MAGI1: variants seen among roughly 807,000 people sequenced by gnomAD.
The protein encoded by MAGI1 is membrane associated guanylate kinase, WW and PDZ domain containing 1.
In MAGI1, 58 loss-of-function variants were observed where a neutral mutation model predicts 139.9. The observed-to-expected ratio is 0.41, with a 90% CI of 0.34 to 0.52. The LOEUF is 0.52. Ranked by LOEUF, MAGI1 falls within the 20% of genes least tolerant of loss-of-function variation. The pLI is 0.12. For missense variants in MAGI1, 1,874 were observed against 1,901.6 expected (o/e 0.99, Z 0.27); for synonymous variants, 812 against 737.9 (o/e 1.10, Z -1.63).
chr3:65,847,379 G>C (rs2059041989), intron 1 of MAGI1, among the ~76,000 whole-genome samples: 1 of 151,706 alleles, frequency 6.6e-6, no homozygotes, highest in Admixed American at 6.6e-5. Flanking sequence ...ACCACCTGGT[G>C]GTTTTTTTTC....
intron 1 of MAGI1, among the ~76,000 whole-genome samples, chr3:65,923,822 T>C (rs558511335): frequency 6.6e-6 from 1 of 152,206 alleles, no homozygotes; most frequent in South Asian, 2.1e-4. Flanking sequence ...GCTCTCTCCA[T>C]ATGCAAAAAA....
At chr3:65,780,822 G>A (rs2038869634) in intron 1 of MAGI1, among the ~76,000 whole-genome samples, 1 of 152,192 alleles carries the variant, frequency 6.6e-6, no homozygotes, top group South Asian at 2.1e-4. Flanking sequence ...CCCACATGGG[G>A]CAGAAGAAGG....
intron 2 of MAGI1, among the ~76,000 whole-genome samples, chr3:65,603,060 G>C (rs1314887843): frequency 1.3e-5 from 2 of 151,980 alleles, no homozygotes; most frequent in African/African-American, 2.4e-5. Context: ...AATGTGAATA[G>C]AGCAATGACT....
At position 65,686,190 on chromosome 3, in the gene MAGI1, G is replaced by T. The variant is rs530473674; in HGVS notation, c.314-64102C>A. On this transcript the variant is annotated intron_variant, in intron 1 of 22. Transcript: ENST00000402939. ...AGAAGCAGTCATATCACACCTATGA[G>T]TCATCTTATGGCCTGTTCCCATTCA... 2.3e-3 allele frequency among the ~76,000 whole-genome samples: 351 copies of T among 152,272 alleles called. 1 individual carries two copies. The highest frequency in any genetic ancestry group is 4.2e-3 in the Non-Finnish European group (286 of 68,012).
intron 1 of MAGI1, among the ~76,000 whole-genome samples, chr3:65,763,159 C>T (rs1033296059): frequency 2.0e-5 from 3 of 152,110 alleles, no homozygotes; most frequent in Non-Finnish European, 4.4e-5. Flanking sequence ...AAGTCACATT[C>T]GTATCATCAA....
intron 2 of MAGI1, among the ~76,000 whole-genome samples, chr3:65,511,834 C>G (rs2077614262): frequency 8.0e-6 from 1 of 124,986 alleles, no homozygotes; most frequent in Admixed American, 8.6e-5. Context: ...CTCTCCACCC[C>G]AAATCAACAG....
At chr3:65,414,382 G>A (rs551970443) in intron 12 of MAGI1, among the ~76,000 whole-genome samples, 6 of 152,322 alleles carry the variant, frequency 3.9e-5, no homozygotes, top group South Asian at 4.1e-4. Context: ...TAGATGTTGC[G>A]TTACATAAGA....
chr3:65,418,769 G>C (rs564506472), intron 12 of MAGI1, among the ~76,000 whole-genome samples: 8 of 152,196 alleles, frequency 5.3e-5, no homozygotes, highest in African/African-American at 1.4e-4. Flanking sequence ...AGATCTTCTC[G>C]AACAGCTTAC....
At chr3:65,552,259 G>GGTGTGTGTGTGT (rs10576104) in intron 2 of MAGI1, among the ~76,000 whole-genome samples, 20 of 147,938 alleles carry the variant, frequency 1.4e-4, no homozygotes, top group African/African-American at 5.0e-4. Flanking sequence ...TGTGTATAGG[G>GGTGTGTGTGTGT]GTGTGTGTGT....
intron 16 of MAGI1, among the ~76,000 whole-genome samples, chr3:65,379,867 T>A (rs1942895640): frequency 6.6e-6 from 1 of 152,202 alleles, no homozygotes; most frequent in South Asian, 2.1e-4. Flanking sequence ...CGGCCTGCTG[T>A]GAAATATTTC....
chr3:65,943,848 T>C (rs999331562), intron 1 of MAGI1, among the ~76,000 whole-genome samples: 9 of 152,176 alleles, frequency 5.9e-5, no homozygotes, highest in South Asian at 2.1e-4. Context: ...AAGCCTTACT[T>C]TGTACACCTT....
chr3:65,446,084 G>A (rs1948657928), intron 7 of MAGI1, among the ~76,000 whole-genome samples: 1 of 152,168 alleles, frequency 6.6e-6, no homozygotes, highest in African/African-American at 2.4e-5. Flanking sequence ...AACACATTTG[G>A]GCCATTTCTA....
At chr3:65,531,946 C>A (rs192822689) in intron 2 of MAGI1, among the ~76,000 whole-genome samples, 1 of 152,272 alleles carries the variant, frequency 6.6e-6, no homozygotes, top group Non-Finnish European at 1.5e-5. Context: ...TTTCCCTTAG[C>A]CCTGCACTTA....
At chr3:65,401,109 T>A (rs764286720) in intron 13 of MAGI1, among the ~76,000 whole-genome samples, 3 of 152,056 alleles carry the variant, frequency 2.0e-5, no homozygotes, top group Admixed American at 6.5e-5. Flanking sequence ...AAGGAAACAA[T>A]AGCATTTGTA....
chr3:65,742,687 C>T (rs1252197541), intron 1 of MAGI1, among the ~76,000 whole-genome samples: 4 of 152,218 alleles, frequency 2.6e-5, no homozygotes, highest in African/African-American at 9.6e-5. Flanking sequence ...CTACTTCATG[C>T]GCTCTCAACC....
intron 1 of MAGI1, among the ~76,000 whole-genome samples, chr3:65,917,991 C>T (rs558645985): frequency 4.6e-4 from 70 of 152,072 alleles, no homozygotes; most frequent in African/African-American, 1.4e-3. Flanking sequence ...TGGTGGGGGA[C>T]GTTGATAATG....
intron 1 of MAGI1, among the ~76,000 whole-genome samples, chr3:66,033,158 G>C (rs1236134831): frequency 7.9e-5 from 12 of 151,928 alleles, no homozygotes; most frequent in Non-Finnish European, 1.6e-4. Flanking sequence ...CTCCCGAGTA[G>C]CTGGGACTAC....
chr3:66,028,032 C>G (rs191656920), intron 1 of MAGI1, among the ~76,000 whole-genome samples: 11 of 152,296 alleles, frequency 7.2e-5, no homozygotes, highest in African/African-American at 2.6e-4. Flanking sequence ...TGGCCAGGCA[C>G]GAAGGCTCAT....
In MAGI1 at chr3:65,430,095, G is replaced by C. The variant is rs748123559; in HGVS notation, c.1592C>G (p.Thr531Arg). The C allele has an allele frequency of 1.9e-6, 3 of 1,613,740 alleles. No individual in the cohort carries two copies. The highest frequency in any genetic ancestry group is 2.5e-6 in the Non-Finnish European group (3 of 1,179,800). ...SVNDTCVLGHTHAQVVKIFQS... is the reference protein window; with the variant it reads ...SVNDTCVLGHRHAQVVKIFQS... ...GAAGATCTTCACAACTTGAGCATGT[G>C]TGTGTCCCAAAACACAGGTGTCATT... Residue 531 changes from threonine to arginine, a missense_variant, in exon 12 of 23, where the codon ACA becomes AGA. This residue lies in a region of MAGI1 where 86 missense variants were observed against 130.0 expected (regional missense o/e 0.66). Coordinates refer to ENST00000402939, the MANE Select transcript of MAGI1 (RefSeq NM_001033057.2).
Sources: allele counts gnomAD v4.1 joint callset (sites outside exome capture counted in the v4.1 genomes callset), GRCh38; gene constraint gnomAD v4.1.1; regional missense constraint gnomAD v4.1.1; transcripts MANE v1.5; gene names NCBI Gene and HGNC (gene_info 2026-07-23, HGNC 2026-07-21).